NEK7: variants seen among roughly 807,000 people sequenced by gnomAD.
NEK7 encodes NIMA related kinase 7.
In NEK7, 18 loss-of-function variants were observed where a neutral mutation model predicts 44.6. The ratio of observed to expected loss-of-function variants is 0.40; its 90% CI spans 0.28 to 0.60. The LOEUF is 0.60. Among genes scored for constraint, NEK7 ranks in the 20% least tolerant of loss-of-function variants. NEK7 has a pLI of 0.38. For synonymous variants in NEK7, 130 were observed against 121.1 expected (o/e 1.07, Z -0.48); for missense variants, 256 against 366.5 (o/e 0.70, Z 2.46).
chr1:198,284,314 T>C (rs16842680), intron 7 of NEK7, among the ~76,000 whole-genome samples: 3,788 of 152,314 alleles, frequency 0.025, 159 homozygotes, highest in African/African-American at 0.086. Context: ...TATACTGTTT[T>C]CTGATTTGTT....
intron 3 of NEK7, among the ~76,000 whole-genome samples, chr1:198,259,996 T>G (rs887928840): frequency 1.3e-5 from 2 of 152,202 alleles, no homozygotes; most frequent in African/African-American, 2.4e-5. Flanking sequence ...ATTCTGCATC[T>G]GACACTGTGC....
At chr1:198,249,972 G>A (rs1205926415) in intron 2 of NEK7, among the ~76,000 whole-genome samples, 3 of 145,304 alleles carry the variant, frequency 2.1e-5, no homozygotes, top group Non-Finnish European at 3.0e-5. Flanking sequence ...TGTCCTGAAT[G>A]GTAACGCCTA....
intron 1 of NEK7, among the ~76,000 whole-genome samples, chr1:198,178,902 G>C (rs1664679803): frequency 6.6e-6 from 1 of 151,898 alleles, no homozygotes. Context: ...AAGAGATCTA[G>C]CTATTTGATT....
At chr1:198,229,086 C>T (rs1666312426) in intron 1 of NEK7, among the ~76,000 whole-genome samples, 1 of 152,168 alleles carries the variant, frequency 6.6e-6, no homozygotes. Flanking sequence ...AACAGACAGG[C>T]CTGGCTGGGT....
chr1:198,239,188 C>T (rs952691386), intron 2 of NEK7, among the ~76,000 whole-genome samples: 2 of 152,120 alleles, frequency 1.3e-5, no homozygotes, highest in African/African-American at 4.8e-5. Flanking sequence ...CTAAAGTATA[C>T]ATTTTATTAT....
intron 2 of NEK7, among the ~76,000 whole-genome samples, chr1:198,251,769 C>T (rs528322966): frequency 2.0e-5 from 3 of 151,746 alleles, no homozygotes; most frequent in South Asian, 4.2e-4. Flanking sequence ...TCTCTCTTTT[C>T]TTCTTTATTA....
chr1:198,276,428 A>G (rs919262790), intron 5 of NEK7, among the ~76,000 whole-genome samples: 1 of 151,680 alleles, frequency 6.6e-6, no homozygotes, highest in Non-Finnish European at 1.5e-5. Flanking sequence ...GGGAGAGCAC[A>G]TATACAGGGT....
At chr1:198,293,195 T>C (rs893213222) in intron 8 of NEK7, among the ~76,000 whole-genome samples, 156 bp downstream of exon 8, 2 of 151,960 alleles carry the variant, frequency 1.3e-5, no homozygotes, top group African/African-American at 4.8e-5. Context: ...TATAATGGAA[T>C]TTAATAACTA....
At chr1:198,274,172 T>TTTTTTTTTTTTTTTTTGAGACGGA (rs1653941868) in intron 5 of NEK7, among the ~76,000 whole-genome samples, 2 of 143,820 alleles carry the variant, frequency 1.4e-5, no homozygotes, top group Non-Finnish European at 3.0e-5. Flanking sequence ...AGTTCTCTTA[T>TTTTTTTTTTTTTTTTTGAGACGGA]GACTTCATTA....
intron 1 of NEK7, chr1:198,197,757 G>A: frequency 1.5e-6 from 1 of 665,820 alleles, no homozygotes; most frequent in Non-Finnish European, 2.8e-6. Context: ...TGAGACTTGA[G>A]GGTAAGGTCC....
chr1:198,157,740 A>AGAGTGGGTGGTGGGAGC (rs1424220817), intron 1 of NEK7, among the ~76,000 whole-genome samples: 1 of 152,066 alleles, frequency 6.6e-6, no homozygotes, highest in Admixed American at 6.5e-5. Context: ...GCGCTGGGAG[A>AGAGTGGGTGGTGGGAGC]GAGTGGGTGG....
chr1:198,172,350 T>C (rs1034636092), intron 1 of NEK7, among the ~76,000 whole-genome samples: 7 of 152,360 alleles, frequency 4.6e-5, no homozygotes, highest in Admixed American at 3.3e-4. Context: ...AATTTATGTC[T>C]AGGTGTTTCC....
intron 1 of NEK7, chr1:198,221,052 GA>G (rs1157707701): frequency 6.6e-6 from 1 of 151,860 alleles, no homozygotes; most frequent in Non-Finnish European, 1.5e-5. Context: ...CTAGAATTCT[GA>G]AAAAAATCAG....
chr1:198,312,910 T>A (rs531235276), intron 9 of NEK7, among the ~76,000 whole-genome samples: 106 of 152,246 alleles, frequency 7.0e-4, no homozygotes, highest in African/African-American at 2.3e-3. Context: ...AAAAATGTAT[T>A]TTCTGTTGAT....
chr1:198,285,374 A>G (rs1371995886), intron 7 of NEK7, among the ~76,000 whole-genome samples: 5 of 152,188 alleles, frequency 3.3e-5, no homozygotes, highest in Admixed American at 6.5e-5. Context: ...TTATGCTGCA[A>G]GAAGAAACAA....
chr1:198,168,615 G>A (rs1174060450), intron 1 of NEK7, among the ~76,000 whole-genome samples: 3 of 152,212 alleles, frequency 2.0e-5, no homozygotes, highest in Admixed American at 1.3e-4. Context: ...AGGATAGACC[G>A]TGTGATCTTT....
chr1:198,309,122 T>C (rs1655098623), intron 9 of NEK7, among the ~76,000 whole-genome samples: 1 of 152,124 alleles, frequency 6.6e-6, no homozygotes, highest in Non-Finnish European at 1.5e-5. Context: ...CAGAGTTAAG[T>C]TCCACGTAGC....
intron 1 of NEK7, among the ~76,000 whole-genome samples, chr1:198,172,211 A>G (rs1404857748): frequency 1.1e-4 from 17 of 152,156 alleles, no homozygotes; most frequent in Non-Finnish European, 1.5e-5. Flanking sequence ...GGTGCTCTGA[A>G]TAGACCATAC....
At chr1:198,205,500 C>G (rs1398925044) in intron 1 of NEK7, among the ~76,000 whole-genome samples, 2 of 152,152 alleles carry the variant, frequency 1.3e-5, no homozygotes, top group African/African-American at 4.8e-5. Context: ...ATGGGTGATT[C>G]TGATAGCCAA....
Sources: allele counts gnomAD v4.1 joint callset (sites outside exome capture counted in the v4.1 genomes callset), GRCh38; gene constraint gnomAD v4.1.1; transcripts MANE v1.5; gene names NCBI Gene and HGNC (gene_info 2026-07-23, HGNC 2026-07-21).